The following COL25A1 variants were observed in gnomAD, a reference collection of about 807,000 sequenced individuals.
The protein encoded by COL25A1 is collagen alpha-1(XXV) chain.
Under a neutral mutation model 128.4 loss-of-function variants are expected in COL25A1, and 103 were observed. That is an observed-to-expected ratio of 0.80 (90% confidence interval 0.68 to 0.94). The LOEUF (loss-of-function observed/expected upper bound fraction) is 0.94, where lower values mean the gene tolerates loss of function less well. Among genes scored for constraint, COL25A1 ranks in the 40% least tolerant of loss-of-function variants. The pLI is 0.00. For synonymous variants in COL25A1, 279 were observed against 277.2 expected, an observed-to-expected ratio of 1.01 and a Z score of -0.06; for missense variants, 745 against 840.0, an observed-to-expected ratio of 0.89 and a Z score of 1.40.
Position 108,889,415 on chromosome 4 carries a change from G to A in COL25A1, c.940-159C>T, listed in dbSNP as rs369216882. Among the ~76,000 whole-genome samples, 385 of 118,704 alleles carry A rather than the reference G, an allele frequency of 3.2e-3. 4 individuals carry two copies. Among genetic ancestry groups the A allele is most frequent in the African/African-American group, 0.011 (370 of 33,552 alleles). 77.9% of individuals were successfully genotyped at this position (118,704 alleles called of 152,430 possible). A position where few individuals can be genotyped will look rare whatever the true frequency, so the allele number is the denominator to read the frequency against. On this transcript the variant is annotated intron_variant, in intron 17 of 37. Coordinates refer to ENST00000399132, the MANE Select transcript of COL25A1 (RefSeq NM_198721.4). Reference sequence around the variant, plus strand: ...TGACTCTACATCTCACTAGACATACGGATTTTTTTTTTTTTTTTTTTTGCT... The same window carrying A: ...TGACTCTACATCTCACTAGACATACAGATTTTTTTTTTTTTTTTTTTTGCT...
chr4:108,893,665 C>G (rs1035706092), intron 16 of COL25A1, among the ~76,000 whole-genome samples: 1 of 152,068 alleles, frequency 6.6e-6, no homozygotes, highest in Non-Finnish European at 1.5e-5. Flanking sequence ...CAATCAATGA[C>G]GTAATTTACT....
At chr4:108,854,048 C>T (rs1478382516) in intron 24 of COL25A1, 1 of 152,024 alleles carries the variant, frequency 6.6e-6, no homozygotes, top group East Asian at 1.9e-4. Context: ...GAACAGAGGC[C>T]TCAGAAATAA....
intron 3 of COL25A1, among the ~76,000 whole-genome samples, chr4:109,250,729 T>C (rs1170494546): frequency 6.6e-6 from 1 of 152,220 alleles, no homozygotes; most frequent in African/African-American, 2.4e-5. Flanking sequence ...AATATACCAA[T>C]TTAAATGTTA....
At chr4:109,190,410 G>A (rs1394449458) in intron 3 of COL25A1, among the ~76,000 whole-genome samples, 1 of 152,116 alleles carries the variant, frequency 6.6e-6, no homozygotes, top group Admixed American at 6.5e-5. Context: ...AGGAAGGAGG[G>A]AAGAAGGGAG....
At chr4:109,154,195 C>T (rs1449721522) in intron 3 of COL25A1, among the ~76,000 whole-genome samples, 1 of 151,944 alleles carries the variant, frequency 6.6e-6, no homozygotes, top group East Asian at 1.9e-4. Context: ...TGACTTTCAT[C>T]TTTATAATCA....
intron 3 of COL25A1, among the ~76,000 whole-genome samples, chr4:109,129,828 A>T (rs991381474): frequency 6.6e-6 from 1 of 152,182 alleles, no homozygotes; most frequent in Non-Finnish European, 1.5e-5. Flanking sequence ...CCCTTGAAGG[A>T]AAGTCTCTAA....
At chr4:108,844,438 G>C in intron 30 of COL25A1, 81 bp downstream of exon 30, 1 of 1,611,886 alleles carries the variant, frequency 6.2e-7, no homozygotes. Context: ...CAAGCTGGCT[G>C]TTTAGAGGGA....
intron 8 of COL25A1, among the ~76,000 whole-genome samples, chr4:108,956,005 G>A (rs1057284380): frequency 6.6e-6 from 1 of 152,166 alleles, no homozygotes; most frequent in African/African-American, 2.4e-5. Flanking sequence ...TCAACCATTC[G>A]TATCATTTTT....
At chr4:109,240,112 AT>A (rs1043698244) in intron 3 of COL25A1, among the ~76,000 whole-genome samples, 183 of 152,084 alleles carry the variant, frequency 1.2e-3, no homozygotes, top group African/African-American at 4.0e-3. Context: ...TTACAGTTAA[AT>A]TTTTTTTAAT....
intron 3 of COL25A1, among the ~76,000 whole-genome samples, chr4:109,182,196 T>A (rs1774717477): frequency 6.6e-6 from 1 of 152,148 alleles, no homozygotes; most frequent in Non-Finnish European, 1.5e-5. Context: ...GTGATTTTCT[T>A]TCCTTTGGTG....
At chr4:109,124,820 C>A (rs1325907220) in intron 3 of COL25A1, among the ~76,000 whole-genome samples, 7 of 151,942 alleles carry the variant, frequency 4.6e-5, no homozygotes, top group Admixed American at 2.0e-4. Context: ...ATTTACCTTT[C>A]TTCTTTGGGT....
intron 3 of COL25A1, among the ~76,000 whole-genome samples, chr4:109,051,228 A>C (rs1460664343): frequency 1.3e-5 from 2 of 152,196 alleles, no homozygotes; most frequent in Non-Finnish European, 2.9e-5. Context: ...CTTAGTATCC[A>C]AGCGACTTTC....
intron 3 of COL25A1, among the ~76,000 whole-genome samples, chr4:109,105,019 T>C (rs539876560): frequency 2.6e-4 from 40 of 152,330 alleles, no homozygotes; most frequent in African/African-American, 8.9e-4. Flanking sequence ...TATGAAATGA[T>C]ATTCTACCTT....
chr4:109,162,151 A>G (rs1042632262), intron 3 of COL25A1, among the ~76,000 whole-genome samples: 10 of 152,230 alleles, frequency 6.6e-5, no homozygotes, highest in Admixed American at 3.3e-4. Flanking sequence ...AATTGAAGAT[A>G]TAACAGGGGA....
At chr4:109,239,474 C>A (rs990057765) in intron 3 of COL25A1, among the ~76,000 whole-genome samples, 1 of 146,748 alleles carries the variant, frequency 6.8e-6, no homozygotes, top group Non-Finnish European at 1.5e-5. Flanking sequence ...CAAACCTGTA[C>A]AGCAGGTAGG....
chr4:109,219,892 G>C (rs1156824473), intron 3 of COL25A1, among the ~76,000 whole-genome samples: 1 of 152,090 alleles, frequency 6.6e-6, no homozygotes, highest in Non-Finnish European at 1.5e-5. Context: ...AATAAAAATA[G>C]TTGTACATTT....
intron 18 of COL25A1, among the ~76,000 whole-genome samples, chr4:108,887,136 A>G (rs2125840764): frequency 6.6e-6 from 1 of 152,272 alleles, no homozygotes; most frequent in South Asian, 2.1e-4. Flanking sequence ...AGAAAATCCA[A>G]TGGAATTATT....
At chr4:109,167,353 T>C (rs1466894846) in intron 3 of COL25A1, among the ~76,000 whole-genome samples, 1 of 152,184 alleles carries the variant, frequency 6.6e-6, no homozygotes, top group Non-Finnish European at 1.5e-5. Context: ...TTATGCCCTA[T>C]AACTCCTCTG....
At chr4:108,933,969 T>A (rs1234612739) in intron 11 of COL25A1, among the ~76,000 whole-genome samples, 2 of 152,164 alleles carry the variant, frequency 1.3e-5, no homozygotes, top group East Asian at 3.9e-4. Flanking sequence ...TTTGACCCAG[T>A]AATCCCATTA....
Sources: gnomAD v4.1 joint callset for allele counts (sites outside exome capture counted in the v4.1 genomes callset) on GRCh38, gnomAD v4.1.1 for gene constraint, MANE v1.5 for transcripts, NCBI Gene and HGNC (gene_info 2026-07-23, HGNC 2026-07-21) for gene names.